The following TRPM3 variants were observed in gnomAD, a reference collection of about 807,000 sequenced individuals.
TRPM3 encodes the protein transient receptor potential cation channel subfamily M member 3, also known as long transient receptor potential channel 3.
TRPM3 carries 77 observed loss-of-function variants against 181.2 expected under a neutral mutation model. That is an observed-to-expected ratio of 0.42 (90% CI 0.35 to 0.51). The LOEUF is 0.51. Among genes scored for constraint, TRPM3 ranks in the 20% least tolerant of loss-of-function variants. The probability of loss-of-function intolerance (pLI) is 0.01; values close to 1 mark genes in which losing one functional copy is unlikely to be tolerated. For missense variants in TRPM3, 1,759 were observed against 2,196.7 expected (o/e 0.80, Z 3.98); for synonymous variants, 745 against 796.4 (o/e 0.94, Z 1.09).
chr9:71,283,263 C>T (rs1157891485), intron 1 of TRPM3, among the ~76,000 whole-genome samples: 1 of 152,112 alleles, frequency 6.6e-6, no homozygotes, highest in African/African-American at 2.4e-5. Context: ...CTTAAACTTC[C>T]TCCATGCTGT....
At chr9:70,748,916 G>T (rs1393106886) in intron 8 of TRPM3, among the ~76,000 whole-genome samples, 2 of 152,138 alleles carry the variant, frequency 1.3e-5, no homozygotes, top group South Asian at 4.1e-4. Flanking sequence ...ACAGGGTCTT[G>T]CTCTGTCCCC....
At chr9:70,839,266 A>G (rs2094501542) in intron 5 of TRPM3, among the ~76,000 whole-genome samples, 1 of 152,194 alleles carries the variant, frequency 6.6e-6, no homozygotes, top group African/African-American at 2.4e-5. Flanking sequence ...GTGAGGCTCT[A>G]AGTTGGGTTC....
At chr9:71,031,972 TTA>T (rs1357270207) in intron 1 of TRPM3, among the ~76,000 whole-genome samples, 1 of 632 alleles carries the variant, frequency 1.6e-3, no homozygotes, top group African/African-American at 2.4e-3. Context: ...TATATATATA[TTA>T]TATATATATA....
At chr9:71,126,446 A>G (rs1418966757), upstream of TRPM3, among the ~76,000 whole-genome samples, 2 of 152,200 alleles carry the variant, frequency 1.3e-5, no homozygotes, top group East Asian at 3.8e-4. Flanking sequence ...CTTTACTCCA[A>G]TAGAGCTATA....
chr9:70,816,100 A>G (rs17463300), intron 6 of TRPM3, among the ~76,000 whole-genome samples: 4,546 of 152,316 alleles, frequency 0.03, 92 homozygotes, highest in Middle Eastern at 0.058. Flanking sequence ...AATAATGCAA[A>G]CTAGAATTAT....
chr9:71,196,426 C>T (rs2078368311), intron 1 of TRPM3, among the ~76,000 whole-genome samples: 1 of 151,826 alleles, frequency 6.6e-6, no homozygotes, highest in Non-Finnish European at 1.5e-5. Context: ...TTGTATTTAT[C>T]TATATTGTCC....
chr9:70,767,902 C>G (rs1301152113), intron 7 of TRPM3, among the ~76,000 whole-genome samples: 4 of 152,158 alleles, frequency 2.6e-5, no homozygotes, highest in African/African-American at 4.8e-5. Context: ...GGGACTTAAC[C>G]TCAGAAGTCC....
intron 1 of TRPM3, among the ~76,000 whole-genome samples, chr9:71,430,558 A>G (rs544119071): frequency 6.6e-6 from 1 of 152,326 alleles, no homozygotes; most frequent in South Asian, 2.1e-4. Context: ...TCACACCTGT[A>G]ATCCCAGCAC....
chr9:70,913,579 CA>C, intron 1 of TRPM3, among the ~76,000 whole-genome samples: 1 of 152,198 alleles, frequency 6.6e-6, no homozygotes, highest in East Asian at 1.9e-4. Context: ...CAGGAAAAGA[CA>C]AAAACAACCA....
chr9:71,026,145 C>A (rs1264843676), intron 1 of TRPM3, among the ~76,000 whole-genome samples: 1 of 152,172 alleles, frequency 6.6e-6, no homozygotes, highest in Non-Finnish European at 1.5e-5. Context: ...TATAGTGGAG[C>A]ATGGCCAGGA....
intron 1 of TRPM3, among the ~76,000 whole-genome samples, chr9:71,120,265 G>A (rs908846907): frequency 4.6e-5 from 7 of 152,100 alleles, no homozygotes; most frequent in East Asian, 1.9e-4. Flanking sequence ...TTTTAACTTC[G>A]AATGGATATA....
intron 1 of TRPM3, among the ~76,000 whole-genome samples, chr9:71,163,516 G>A (rs1298905261): frequency 1.3e-5 from 2 of 152,086 alleles, no homozygotes; most frequent in African/African-American, 4.8e-5. Flanking sequence ...AGGAAAATTT[G>A]GAAAAGAATG....
At chr9:71,081,107 C>A (rs1219608144) in intron 1 of TRPM3, among the ~76,000 whole-genome samples, 1 of 152,172 alleles carries the variant, frequency 6.6e-6, no homozygotes, top group Non-Finnish European at 1.5e-5. Context: ...TCGCTCCCAC[C>A]TCAGCTTCCT....
At chr9:71,212,876 A>G (rs562448100) in intron 1 of TRPM3, among the ~76,000 whole-genome samples, 4 of 141,660 alleles carry the variant, frequency 2.8e-5, no homozygotes, top group African/African-American at 1.0e-4. Context: ...TGTATGTATT[A>G]TAACACTTCA....
intron 1 of TRPM3, among the ~76,000 whole-genome samples, chr9:71,314,618 G>A (rs2088366501): frequency 6.6e-6 from 1 of 152,078 alleles, no homozygotes; most frequent in South Asian, 2.1e-4. Flanking sequence ...ACCTCATTCA[G>A]AGAGCATGAC....
intron 22 of TRPM3, among the ~76,000 whole-genome samples, chr9:70,563,650 A>T (rs1167647341): frequency 6.6e-6 from 1 of 152,222 alleles, no homozygotes; most frequent in Admixed American, 6.5e-5. Context: ...CTTAAAGAAC[A>T]TATAGAGCCT....
intron 8 of TRPM3, among the ~76,000 whole-genome samples, chr9:70,760,506 T>G (rs1306848531): frequency 6.6e-6 from 1 of 150,734 alleles, no homozygotes; most frequent in Non-Finnish European, 1.5e-5. Flanking sequence ...ACCCGCTCGC[T>G]GGCTTCTATA....
At chr9:70,643,478 T>A (rs537401638) in intron 9 of TRPM3, among the ~76,000 whole-genome samples, 3 of 152,312 alleles carry the variant, frequency 2.0e-5, no homozygotes, top group African/African-American at 7.2e-5. Context: ...TAGGCAAGTG[T>A]CAAATGAAAG....
chr9:70,561,002 T>C (rs2048909970), intron 22 of TRPM3, among the ~76,000 whole-genome samples: 1 of 152,186 alleles, frequency 6.6e-6, no homozygotes, highest in African/African-American at 2.4e-5. Flanking sequence ...ATGTTTGATA[T>C]AATCAGAGTC....
Sources: gnomAD v4.1 joint callset for allele counts (sites outside exome capture counted in the v4.1 genomes callset) on GRCh38, gnomAD v4.1.1 for gene constraint, MANE v1.5 for transcripts, NCBI Gene and HGNC (gene_info 2026-07-23, HGNC 2026-07-21) for gene names.